Variants in MRAP observed in about 807,000 individuals in gnomAD.
The protein encoded by MRAP is melanocortin 2 receptor accessory protein.
A neutral mutation model predicts 8.7 loss-of-function variants in MRAP; 8 were observed. That is an observed-to-expected ratio of 0.92 (90% confidence interval 0.54 to 1.66). The LOEUF is 1.66. Ranked by LOEUF, MRAP falls within the 40% of genes most tolerant of loss-of-function variation. The pLI is 0.00. For missense variants in MRAP, 237 were observed against 217.1 expected, an observed-to-expected ratio of 1.09 and a Z score of -0.58; for synonymous variants, 95 against 95.5, an observed-to-expected ratio of 1.00 and a Z score of 0.03.
downstream of MRAP, chr21:32,313,750 A>G (rs1437228553): frequency 6.6e-6 from 1 of 152,284 alleles, no homozygotes; most frequent in Non-Finnish European, 1.5e-5. Context: ...AGCAGATCCC[A>G]AGAGCCCCAG....
chr21:32,309,473 CAAG>C (rs1359664477), intron 2 of MRAP, among the ~76,000 whole-genome samples: 1 of 150,440 alleles, frequency 6.6e-6, no homozygotes, highest in Non-Finnish European at 1.5e-5. Context: ...GTTTTTGAGA[CAAG>C]AATCTCGCTG....
upstream of MRAP, among the ~76,000 whole-genome samples, chr21:32,295,050 C>G (rs908639226): frequency 6.6e-6 from 1 of 151,432 alleles, no homozygotes; most frequent in Non-Finnish European, 1.5e-5. Context: ...GCAACTAGAT[C>G]TAGATGATGG....
intron 1 of MRAP, among the ~76,000 whole-genome samples, chr21:32,306,015 T>C (rs1338663058): frequency 6.6e-6 from 1 of 152,156 alleles, no homozygotes; most frequent in Non-Finnish European, 1.5e-5. Context: ...AAAGTGCTTT[T>C]TCCTTCCTGC....
chr21:32,298,416 G>GGT (rs1226132885), upstream of MRAP, among the ~76,000 whole-genome samples: 1 of 152,136 alleles, frequency 6.6e-6, no homozygotes, highest in African/African-American at 2.4e-5. Flanking sequence ...ACATGACAGA[G>GGT]GTTTACAAGT....
In MRAP at chr21:32,299,535, T is replaced by A. The variant is rs371776090; in HGVS notation, c.106+458T>A. ...ATTTTTTTATAGAGACATGTTATAT[T>A]GCCCAGGCTGGTCTGGAACTCCTGG... On this transcript the variant is annotated intron_variant, in intron 1 of 2. Transcript: ENST00000303645. Among the ~76,000 whole-genome samples, 148 of 152,234 alleles carry A rather than the reference T, an allele frequency of 9.7e-4. 1 individual carries two copies. Among genetic ancestry groups the A allele is most frequent in the African/African-American group, 3.5e-3 (145 of 41,546 alleles).
chr21:32,314,633 A>G, downstream of MRAP: 2 of 1,614,142 alleles, frequency 1.2e-6, no homozygotes, highest in Non-Finnish European at 1.7e-6. Context: ...CCAAGCCCCT[A>G]GAGAGGAAGG....
Position 32,298,888 on chromosome 21 carries a change from G to T in MRAP, c.-84G>T. On this transcript the variant is annotated 5_prime_UTR_variant, in exon 1 of 3. Transcript: ENST00000303645. The stretch of plus-strand genomic sequence containing the variant: ...ACTTGGACGATTCCTGCAGAAATCA[G>T]TGAGGCAGTCTCCTCCCAGGGGCTT... The T allele has an allele frequency of 2.2e-6, 2 of 916,906 alleles. No homozygotes were observed. Among genetic ancestry groups the T allele is most frequent in the Non-Finnish European group, 3.6e-6 (2 of 557,340 alleles). The allele number at this position is 916,906 out of a possible 1,614,324, so 56.8% of individuals were successfully genotyped here.
rs905733210 is a variant in MRAP at position 32,312,155 on chromosome 21, T to C, written c.*159T>C. 4 of 1,527,996 alleles carry C rather than the reference T, an allele frequency of 2.6e-6. No individual in the cohort carries two copies. The highest frequency in any genetic ancestry group is 2.7e-5 in the African/African-American group (2 of 73,064). 94.7% of individuals were successfully genotyped at this position (1,527,996 alleles called of 1,614,324 possible). ...GAGCATCCTATGCCTTTGACAAAGATTGCAGTGGCCCCTCGAGTGCAGAGG... is the reference window on the plus strand; with the variant it reads ...GAGCATCCTATGCCTTTGACAAAGACTGCAGTGGCCCCTCGAGTGCAGAGG... On this transcript the variant is annotated 3_prime_UTR_variant, in exon 3 of 3. Coordinates refer to ENST00000303645, the MANE Select transcript of MRAP (RefSeq NM_001379228.1).
chr21:32,311,750 GA>G lies in MRAP; in HGVS notation c.275del (p.Lys92SerfsTer55). ...GCCTCAACCTCCACCTCTGCATCCAGAAGTGCCTGCCGTGCCACAGGGAACC... is the reference window on the plus strand; with the variant it reads ...GCCTCAACCTCCACCTCTGCATCCAGAGTGCCTGCCGTGCCACAGGGAACC... ...HGLNLHLCIQ[K>X]CLPCHREPLA... On this transcript the variant is annotated frameshift_variant, in exon 3 of 3. Coordinates refer to ENST00000303645, the MANE Select transcript of MRAP (RefSeq NM_001379228.1). LOFTEE classifies it low-confidence loss of function (END_TRUNC). 1.9e-6 allele frequency: 3 copies of G among 1,614,112 alleles called. No individual in the cohort carries two copies. The highest frequency in any genetic ancestry group is 2.5e-6 in the Non-Finnish European group (3 of 1,180,012).
In MRAP at chr21:32,300,719, G is replaced by GGGGCGTCATGCGTCCTATGTCA. The variant is rs1569026481; in HGVS notation, c.106+1651_106+1652insGCGTCCTATGTCAGGGCGTCAT. Among the ~76,000 whole-genome samples, 32 of 21,386 alleles carry GGGGCGTCATGCGTCCTATGTCA rather than the reference G, an allele frequency of 1.5e-3. 2 individuals carry two copies. Among genetic ancestry groups the GGGGCGTCATGCGTCCTATGTCA allele is most frequent in the African/African-American group, 3.0e-3 (30 of 10,104 alleles). 14.0% of individuals were successfully genotyped at this position (21,386 alleles called of 152,430 possible). A position where few individuals can be genotyped will look rare whatever the true frequency, so the allele number is the denominator to read the frequency against. On this transcript the variant is annotated intron_variant, in intron 1 of 2. Coordinates refer to ENST00000303645, the MANE Select transcript of MRAP (RefSeq NM_001379228.1). ...TCAGGGGCGTCATGCGTCCTATGTC[G>GGGGCGTCATGCGTCCTATGTCA]GGGCGTCATTCGTCCTATGTCAGTG...
chr21:32,311,804 C>T lies in MRAP; in HGVS notation c.327C>T (p.Ser109=), dbSNP rs1171457585. The T allele has an allele frequency of 6.2e-7, 1 of 1,614,118 alleles. No homozygotes were observed. The highest frequency in any genetic ancestry group is 8.5e-7 in the Non-Finnish European group (1 of 1,180,048). The change falls in exon 3 of 3, where the codon AGC becomes AGT. Residue 109 remains serine (S), a synonymous_variant. Coordinates refer to ENST00000303645, the MANE Select transcript of MRAP (RefSeq NM_001379228.1). ...TGGCAACCTCACAGGCTCAGGCGAG[C>T]TCAGTGGAGCCAGGGAGCAGAACTG... ...EPLATSQAQA[S]SVEPGSRTGP...
At chr21:32,314,648 G>A (rs1176889600), downstream of MRAP, 2 of 1,614,006 alleles carry the variant, frequency 1.2e-6, no homozygotes, top group Non-Finnish European at 1.7e-6. Context: ...GGAAGGGGCG[G>A]CCTGACGAGG....
chr21:32,305,736 C>T (rs969700366), intron 1 of MRAP, among the ~76,000 whole-genome samples: 24 of 152,176 alleles, frequency 1.6e-4, no homozygotes, highest in Admixed American at 9.8e-4. Flanking sequence ...CTTGGCATTA[C>T]GCAGTTGGTC....
intron 1 of MRAP, among the ~76,000 whole-genome samples, chr21:32,301,098 T>G (rs939532910): frequency 6.9e-5 from 10 of 145,962 alleles, no homozygotes; most frequent in African/African-American, 2.8e-4. Context: ...TCGTATATGA[T>G]ATCATATATC....
At chr21:32,297,217 A>G (rs185132842), upstream of MRAP, among the ~76,000 whole-genome samples, 12 of 152,318 alleles carry the variant, frequency 7.9e-5, no homozygotes, top group East Asian at 3.9e-4. Flanking sequence ...GTTTATGCCA[A>G]TGAGGTGGGG....
At chr21:32,293,000 G>A (rs1459086874) in exon 2 of MRAP, 1 of 152,132 alleles carries the variant, frequency 6.6e-6, no homozygotes, top group African/African-American at 2.4e-5. Context: ...AAGGGACTTT[G>A]CAGATGTGAT....
intron 1 of MRAP, among the ~76,000 whole-genome samples, chr21:32,306,137 C>CTG (rs2032409738): frequency 6.6e-6 from 1 of 152,168 alleles, no homozygotes; most frequent in African/African-American, 2.4e-5. Flanking sequence ...AAAGGGCCTC[C>CTG]CCACCGGAGC....
At chr21:32,313,224 T>G (rs941604707), downstream of MRAP, 3 of 152,214 alleles carry the variant, frequency 2.0e-5, no homozygotes, top group South Asian at 2.1e-4. Context: ...TCGCTGCCCC[T>G]CCCTGTGCCC....
chr21:32,311,830 G>GC lies in MRAP; in HGVS notation c.356dup (p.Asp120Ter). On this transcript the variant is annotated frameshift_variant, in exon 3 of 3. Coordinates refer to ENST00000303645, the MANE Select transcript of MRAP (RefSeq NM_001379228.1). LOFTEE classifies it low-confidence loss of function (END_TRUNC). ...TCAGTGGAGCCAGGGAGCAGAACTG[G>GC]CCCTGACCAGCCGCTACGACAGGAG... 6.2e-7 allele frequency: 1 copy of GC among 1,613,680 alleles called. No individual in the cohort carries two copies. The highest frequency in any genetic ancestry group is 8.5e-7 in the Non-Finnish European group (1 of 1,180,028).
Sources: allele counts gnomAD v4.1 joint callset (sites outside exome capture counted in the v4.1 genomes callset), GRCh38; gene constraint gnomAD v4.1.1; transcripts MANE v1.5; gene names NCBI Gene and HGNC (gene_info 2026-07-23, HGNC 2026-07-21).